TBC1D4: variants seen among roughly 807,000 people sequenced by gnomAD.
The protein encoded by TBC1D4 is TBC1 domain family member 4.
A neutral mutation model predicts 142.5 loss-of-function variants in TBC1D4; 121 were observed. That is an observed-to-expected ratio of 0.85 (90% CI 0.73 to 0.99). TBC1D4 has a LOEUF of 0.99. TBC1D4 is among the 50% of genes least tolerant of loss of function. TBC1D4 has a pLI of 0.00. For synonymous variants in TBC1D4, 630 were observed against 628.2 expected (o/e 1.00, Z -0.04); for missense variants, 1,475 against 1,606.6 (o/e 0.92, Z 1.40).
At chr13:75,434,638 C>A (rs773454728) in intron 1 of TBC1D4, among the ~76,000 whole-genome samples, 2 of 151,074 alleles carry the variant, frequency 1.3e-5, no homozygotes, top group African/African-American at 2.4e-5. Context: ...ACCCCCAAAC[C>A]GAAAATAAAA....
chr13:75,356,854 C>G (rs1882095753), intron 3 of TBC1D4, among the ~76,000 whole-genome samples: 1 of 151,892 alleles, frequency 6.6e-6, no homozygotes. Flanking sequence ...TCCCTATATC[C>G]CATTAAAAAA....
Position 75,306,490 on chromosome 13 carries a change from T to C in TBC1D4, c.2594-19A>G. ...CTGCTTGCTAAGGAAAAAAACAATTTACGTAAGACCAATGTGTTTTTCAAA... is the reference window on the plus strand; with the variant it reads ...CTGCTTGCTAAGGAAAAAAACAATTCACGTAAGACCAATGTGTTTTTCAAA... On this transcript the variant is annotated intron_variant, in intron 14 of 20. Coordinates refer to ENST00000377636, the MANE Select transcript of TBC1D4 (RefSeq NM_014832.5). The C allele has an allele frequency of 6.2e-7, 1 of 1,612,090 alleles. No individual in the cohort carries two copies. Among genetic ancestry groups the C allele is most frequent in the East Asian group, 2.2e-5 (1 of 44,756 alleles).
Position 75,312,845 on chromosome 13 carries a change from C to A in TBC1D4, c.2276G>T (p.Ser759Ile). 6.2e-7 allele frequency: 1 copy of A among 1,614,226 alleles called. No individual in the cohort carries two copies. The change falls in exon 13 of 21, where the codon AGT (serine) becomes ATT (isoleucine). Residue 759 changes from serine to isoleucine, a missense_variant. Transcript: ENST00000377636. The stretch of plus-strand genomic sequence containing the variant: ...AGGAGTGACAGAGGTTCCTCCCACA[C>A]TTAGGGACTCATTGCTGCAGGTAGA... Reference protein sequence around the residue: ...TSSTCSNESLSVGGTSVTPRR... With the variant: ...TSSTCSNESLIVGGTSVTPRR...
chr13:75,335,539 G>A (rs1214270460), intron 8 of TBC1D4, among the ~76,000 whole-genome samples: 5 of 151,888 alleles, frequency 3.3e-5, no homozygotes, highest in Admixed American at 3.3e-4. Flanking sequence ...CAAATCTCAT[G>A]TCAGATTGTA....
At chr13:75,447,147 A>G (rs545714320) in intron 1 of TBC1D4, among the ~76,000 whole-genome samples, 48 of 152,226 alleles carry the variant, frequency 3.2e-4, no homozygotes, top group Non-Finnish European at 5.0e-4. Flanking sequence ...TGGGTGACAA[A>G]TGTAGAAATA....
chr13:75,447,026 T>C (rs575015858), intron 1 of TBC1D4, among the ~76,000 whole-genome samples: 9 of 152,324 alleles, frequency 5.9e-5, no homozygotes, highest in Admixed American at 5.9e-4. Context: ...AAGATCTTTT[T>C]ATATATTAGG....
chr13:75,342,099 A>C (rs1880756923), intron 5 of TBC1D4, among the ~76,000 whole-genome samples: 1 of 152,202 alleles, frequency 6.6e-6, no homozygotes, highest in South Asian at 2.1e-4. Flanking sequence ...TCAGGAGGCG[A>C]GGCAGGAGAC....
At chr13:75,302,500 T>C (rs1226489618) in intron 15 of TBC1D4, 99 bp from the exon 16 acceptor site, 36 of 1,392,424 alleles carry the variant, frequency 2.6e-5, no homozygotes, top group Admixed American at 3.6e-5. Context: ...CAGGCAGCTG[T>C]ATGTACTGCA....
chr13:75,473,043 G>C (rs1175761458), intron 1 of TBC1D4, among the ~76,000 whole-genome samples: 1 of 152,126 alleles, frequency 6.6e-6, no homozygotes, highest in East Asian at 1.9e-4. Flanking sequence ...CGCCCAGGTT[G>C]GAGTGCAGTG....
At chr13:75,336,049 G>A (rs1308327772) in intron 8 of TBC1D4, among the ~76,000 whole-genome samples, 2 of 151,824 alleles carry the variant, frequency 1.3e-5, no homozygotes, top group African/African-American at 2.4e-5. Flanking sequence ...TCTATTGCTC[G>A]AATTCAAATA....
At chr13:75,407,065 C>T (rs78869488) in intron 1 of TBC1D4, among the ~76,000 whole-genome samples, 1,659 of 152,274 alleles carry the variant, frequency 0.011, 39 homozygotes, top group African/African-American at 0.038. Context: ...GAAGTGTTTC[C>T]GATCTGCATG....
chr13:75,348,569 G>A (rs957881877), intron 5 of TBC1D4, among the ~76,000 whole-genome samples: 8 of 152,060 alleles, frequency 5.3e-5, no homozygotes, highest in African/African-American at 1.9e-4. Flanking sequence ...AGAGATAAAC[G>A]AAAAGGAAGT....
chr13:75,481,413 A>G lies in TBC1D4; in HGVS notation c.355T>C (p.Phe119Leu), dbSNP rs1888866649. 1 of 1,613,856 alleles carries G rather than the reference A, an allele frequency of 6.2e-7. No homozygotes were observed. The highest frequency in any genetic ancestry group is 2.2e-5 in the East Asian group (1 of 44,828). The change falls in exon 1 of 21, where the codon TTC becomes CTC. Residue 119 changes from phenylalanine to leucine, a missense_variant. Coordinates refer to ENST00000377636, the MANE Select transcript of TBC1D4 (RefSeq NM_014832.5). ...ATQPNPAVFIFEHKAQHISRF... is the reference protein window; with the variant it reads ...ATQPNPAVFILEHKAQHISRF... ...GAGATATGCTGCGCCTTGTGCTCGA[A>G]GATGAATACCGCCGGGTTGGGCTGC...
intron 1 of TBC1D4, among the ~76,000 whole-genome samples, chr13:75,379,923 T>G (rs1883728714): frequency 2.2e-5 from 2 of 91,074 alleles, no homozygotes; most frequent in Non-Finnish European, 2.1e-5. Context: ...TTTTTTTTTT[T>G]GAGAAAGAGT....
intron 1 of TBC1D4, among the ~76,000 whole-genome samples, chr13:75,458,923 A>G (rs1268800351): frequency 6.6e-6 from 1 of 152,016 alleles, no homozygotes; most frequent in Admixed American, 6.6e-5. Context: ...AGAAAGCACT[A>G]GGTAAATGTA....
rs199650971 is a variant in TBC1D4, at chr13:75,481,288, G to A, written c.480C>T (p.Arg160=). The A allele has an allele frequency of 9.3e-6, 15 of 1,613,778 alleles. No homozygotes were observed. Among genetic ancestry groups the A allele is most frequent in the African/African-American group, 1.3e-5 (1 of 75,042 alleles). ...GTCTTGCCTGGCTGGGGTCTGTGGC[G>A]CGGAAAACGTGGCAGGCCATCTGCG... ...PESQMACHVF[R]ATDPSQVPDV... The change falls in exon 1 of 21, where the codon CGC becomes CGT. Residue 160 remains arginine (R), a synonymous_variant. Transcript: ENST00000377636.
chr13:75,360,801 C>T (rs528114286), intron 2 of TBC1D4, among the ~76,000 whole-genome samples: 1 of 152,222 alleles, frequency 6.6e-6, no homozygotes, highest in African/African-American at 2.4e-5. Context: ...TACTTGTTCA[C>T]CTACGAGTGT....
At chr13:75,386,902 A>G (rs1441454084) in intron 1 of TBC1D4, among the ~76,000 whole-genome samples, 1 of 152,006 alleles carries the variant, frequency 6.6e-6, no homozygotes, top group Non-Finnish European at 1.5e-5. Context: ...TGGTGTAGGT[A>G]TTTTTCCTTG....
intron 12 of TBC1D4, among the ~76,000 whole-genome samples, chr13:75,315,263 G>A (rs942481481): frequency 2.0e-5 from 3 of 151,188 alleles, no homozygotes; most frequent in Admixed American, 1.3e-4. Context: ...AGCCGAGATC[G>A]CATCCCTGCA....
Sources: gnomAD v4.1 joint callset for allele counts (sites outside exome capture counted in the v4.1 genomes callset) on GRCh38, gnomAD v4.1.1 for gene constraint, MANE v1.5 for transcripts, NCBI Gene and HGNC (gene_info 2026-07-23, HGNC 2026-07-21) for gene names.